RYR2: variants seen among roughly 807,000 people sequenced by gnomAD.
RYR2 encodes the protein ryanodine receptor 2.
RYR2 carries 227 observed loss-of-function variants against 601.1 expected under a neutral mutation model. The observed-to-expected ratio is 0.38, with a 90% CI of 0.34 to 0.42. RYR2 has a LOEUF of 0.42. Ranked by LOEUF, RYR2 falls within the 10% of genes least tolerant of loss-of-function variation. The pLI is 1.00. For missense variants in RYR2, 4,646 were observed against 6,156.5 expected (o/e 0.75, Z 8.21); for synonymous variants, 2,223 against 2,175.1 (o/e 1.02, Z -0.61).
intron 78 of RYR2, 94 bp from the exon 79 acceptor site, chr1:237,733,611 A>G (rs1690882853): frequency 1.5e-5 from 12 of 804,172 alleles, no homozygotes; most frequent in Non-Finnish European, 4.3e-6. Flanking sequence ...TACTTGTTAG[A>G]AAAAGAACAA....
At chr1:237,658,208 A>G (rs75738151) in intron 54 of RYR2, among the ~76,000 whole-genome samples, 186 bp downstream of exon 54, 1 of 152,178 alleles carries the variant, frequency 6.6e-6, no homozygotes, top group South Asian at 2.1e-4. Flanking sequence ...TAACACAAAT[A>G]TGATACCCTT....
intron 1 of RYR2, among the ~76,000 whole-genome samples, chr1:237,049,433 C>T (rs1224951312): frequency 1.3e-5 from 2 of 152,016 alleles, no homozygotes; most frequent in Non-Finnish European, 2.9e-5. Flanking sequence ...CTGGTGGGGT[C>T]AGATAGAGAT....
intron 29 of RYR2, among the ~76,000 whole-genome samples, chr1:237,576,301 C>A (rs59644507): frequency 0.021 from 3,213 of 152,240 alleles, 58 homozygotes; most frequent in Middle Eastern, 0.068. Flanking sequence ...GCTAAAATAT[C>A]TTCTGTCTAA....
At chr1:237,598,821 A>G (rs1676174763) in intron 34 of RYR2, among the ~76,000 whole-genome samples, 1 of 152,176 alleles carries the variant, frequency 6.6e-6, no homozygotes, top group African/African-American at 2.4e-5. Context: ...ATAACGAAAC[A>G]GAGACTAAAC....
At chr1:237,296,222 T>C (rs1209714114) in intron 2 of RYR2, among the ~76,000 whole-genome samples, 1 of 152,098 alleles carries the variant, frequency 6.6e-6, no homozygotes, top group Non-Finnish European at 1.5e-5. Flanking sequence ...TGAGATATGA[T>C]GTGGAAGAGA....
intron 1 of RYR2, among the ~76,000 whole-genome samples, chr1:237,220,579 T>C (rs1683699762): frequency 6.6e-6 from 1 of 152,212 alleles, no homozygotes; most frequent in African/African-American, 2.4e-5. Context: ...ATATACCGTA[T>C]AGTTTCTGTT....
rs1430272931 is a variant in RYR2, at chr1:237,180,598, GTA to G, written c.49-89891_49-89890del. On this transcript the variant is annotated intron_variant, in intron 1 of 104. Coordinates refer to ENST00000366574, the MANE Select transcript of RYR2 (RefSeq NM_001035.3). The surrounding 1 kb of genome is among the most constrained non-coding windows in gnomAD (Gnocchi z 5.3). ...TGTGTGTGTATATATGTATATATAA[GTA>G]TATATATGTATATATGTATATATGT... Among the ~76,000 whole-genome samples the G allele has an allele frequency of 2.8e-5, 3 of 105,984 alleles. No homozygotes were observed. Among genetic ancestry groups the G allele is most frequent in the African/African-American group, 1.3e-4 (3 of 23,186 alleles). The allele number at this position is 105,984 out of a possible 152,430, so 69.5% of individuals were successfully genotyped here.
intron 48 of RYR2, among the ~76,000 whole-genome samples, chr1:237,645,127 A>C (rs1225817048): frequency 6.6e-6 from 1 of 152,212 alleles, no homozygotes; most frequent in Non-Finnish European, 1.5e-5. Context: ...AAGGCAGGCT[A>C]TAATAGCTCA....
chr1:237,365,563 C>T (rs1700118153), intron 5 of RYR2, among the ~76,000 whole-genome samples: 1 of 152,128 alleles, frequency 6.6e-6, no homozygotes. Context: ...ACGTTAATCC[C>T]TAAATTAGAC....
chr1:237,629,851 G>A (rs1160658899), intron 41 of RYR2, among the ~76,000 whole-genome samples: 1 of 152,020 alleles, frequency 6.6e-6, no homozygotes, highest in African/African-American at 2.4e-5. Flanking sequence ...TATAAAAATG[G>A]ATGAAAGGTT....
chr1:237,413,452 T>A (rs1704632806), intron 10 of RYR2, among the ~76,000 whole-genome samples: 2 of 152,170 alleles, frequency 1.3e-5, no homozygotes. Context: ...AAGTAAACCA[T>A]TTGCGTGATA....
chr1:237,721,099 T>G (rs777499140), intron 73 of RYR2, among the ~76,000 whole-genome samples: 2 of 152,214 alleles, frequency 1.3e-5, no homozygotes, highest in Non-Finnish European at 2.9e-5. Context: ...TTTTTATTCC[T>G]AACTTCTTGA....
At chr1:237,153,237 G>T (rs116551065) in intron 1 of RYR2, among the ~76,000 whole-genome samples, 214 of 152,254 alleles carry the variant, frequency 1.4e-3, no homozygotes, top group African/African-American at 5.0e-3. Context: ...TTGAGATTTG[G>T]GGGGAGGGGA....
chr1:237,144,820 T>C (rs1312313111), intron 1 of RYR2, among the ~76,000 whole-genome samples: 1 of 152,220 alleles, frequency 6.6e-6, no homozygotes, highest in Non-Finnish European at 1.5e-5. Context: ...ACTTAAGTTA[T>C]AAAGTCTAGT....
intron 3 of RYR2, among the ~76,000 whole-genome samples, chr1:237,350,088 T>C (rs1361592016): frequency 6.6e-6 from 1 of 152,104 alleles, no homozygotes. Context: ...ATTTTAAGAA[T>C]AAAACTAAAT....
At chr1:237,460,301 T>G (rs1166521932) in intron 16 of RYR2, among the ~76,000 whole-genome samples, 1 of 152,210 alleles carries the variant, frequency 6.6e-6, no homozygotes, top group African/African-American at 2.4e-5. Flanking sequence ...CCAAATTGTG[T>G]CTGGCCATTC....
chr1:237,833,848 T>C lies in RYR2; in HGVS notation c.*1201T>C, dbSNP rs942706419. The C allele has an allele frequency of 2.0e-5, 3 of 152,668 alleles. No homozygotes were observed. The highest frequency in any genetic ancestry group is 7.2e-5 in the African/African-American group (3 of 41,466). 9.5% of individuals were successfully genotyped at this position (152,668 alleles called of 1,614,324 possible). A position where few individuals can be genotyped will look rare whatever the true frequency, so the allele number is the denominator to read the frequency against. On this transcript the variant is annotated 3_prime_UTR_variant, in exon 105 of 105. Coordinates refer to ENST00000366574, the MANE Select transcript of RYR2 (RefSeq NM_001035.3). ...TTTTTCCATTTTGAGTCCTTTTAAA[T>C]GTAATGCTAACCTTTACAATTAAAA...
intron 1 of RYR2, among the ~76,000 whole-genome samples, chr1:237,253,206 G>A (rs1372674538): frequency 2.8e-5 from 4 of 144,644 alleles, no homozygotes; most frequent in Non-Finnish European, 4.5e-5. Flanking sequence ...GAAATAGTAA[G>A]TATACAGTGG....
intron 79 of RYR2, among the ~76,000 whole-genome samples, chr1:237,736,391 G>T (rs1240133848): frequency 1.3e-5 from 2 of 151,470 alleles, no homozygotes; most frequent in African/African-American, 4.9e-5. Context: ...AATCTGGGAG[G>T]CGGAAAGTTG....
Sources: allele counts gnomAD v4.1 joint callset (sites outside exome capture counted in the v4.1 genomes callset), GRCh38; gene constraint gnomAD v4.1.1; non-coding constraint Gnocchi (gnomAD v3.1); transcripts MANE v1.5; gene names NCBI Gene and HGNC (gene_info 2026-07-23, HGNC 2026-07-21).